Variants in NRG3 observed in about 807,000 individuals in gnomAD.
NRG3 encodes pro-neuregulin-3, membrane-bound isoform.
In NRG3, 31 loss-of-function variants were observed where a neutral mutation model predicts 66.9. That is an observed-to-expected ratio of 0.46 (90% CI 0.35 to 0.63). The LOEUF is 0.63. Ranked by LOEUF, NRG3 falls within the 20% of genes least tolerant of loss-of-function variation. The pLI is 0.00. For synonymous variants in NRG3, 393 were observed against 359.4 expected (o/e 1.09, Z -1.06); for missense variants, 910 against 878.9 (o/e 1.04, Z -0.45).
intron 2 of NRG3, among the ~76,000 whole-genome samples, chr10:82,623,671 G>A (rs1464926444): frequency 6.6e-6 from 1 of 152,170 alleles, no homozygotes; most frequent in African/African-American, 2.4e-5. Context: ...AGAGGAGACA[G>A]AAATGTGCAA....
intron 1 of NRG3, among the ~76,000 whole-genome samples, chr10:82,348,483 C>A (rs1490563829): frequency 6.6e-6 from 1 of 150,816 alleles, no homozygotes; most frequent in Non-Finnish European, 1.5e-5. Flanking sequence ...TGACCTTTCT[C>A]TCTGGCTGCT....
At chr10:82,465,190 CA>C (rs1211464298) in intron 2 of NRG3, among the ~76,000 whole-genome samples, 2 of 152,184 alleles carry the variant, frequency 1.3e-5, no homozygotes, top group African/African-American at 4.8e-5. Context: ...AAGAAACAGC[CA>C]TGCTAGGATC....
intron 1 of NRG3, among the ~76,000 whole-genome samples, chr10:82,074,594 C>T (rs535319367): frequency 6.6e-6 from 1 of 152,050 alleles, no homozygotes; most frequent in South Asian, 2.1e-4. Context: ...CTTTGGGAGG[C>T]CCAGGTGGGA....
chr10:82,775,333 T>C (rs1383227964), intron 3 of NRG3, among the ~76,000 whole-genome samples: 1 of 152,110 alleles, frequency 6.6e-6, no homozygotes, highest in Non-Finnish European at 1.5e-5. Context: ...CAATAATTTT[T>C]TGTTAAATTC....
chr10:82,117,595 G>T (rs2132320273), intron 1 of NRG3, among the ~76,000 whole-genome samples: 1 of 152,060 alleles, frequency 6.6e-6, no homozygotes, highest in African/African-American at 2.4e-5. Context: ...GTTTTTTTCT[G>T]CCAGCCAAGG....
chr10:82,381,887 G>A (rs913963903), intron 2 of NRG3, among the ~76,000 whole-genome samples: 1 of 152,038 alleles, frequency 6.6e-6, no homozygotes, highest in African/African-American at 2.4e-5. Context: ...TTAACGTGTT[G>A]CTTATCACGT....
chr10:82,383,863 A>G (rs949689952), intron 2 of NRG3, among the ~76,000 whole-genome samples: 4 of 151,904 alleles, frequency 2.6e-5, no homozygotes, highest in African/African-American at 7.2e-5. Flanking sequence ...CACAGATACA[A>G]AATTCAAACT....
At chr10:82,278,615 A>C (rs952783765) in intron 1 of NRG3, among the ~76,000 whole-genome samples, 1 of 152,140 alleles carries the variant, frequency 6.6e-6, no homozygotes, top group Non-Finnish European at 1.5e-5. Flanking sequence ...TTTGTTTAAC[A>C]ATGATTTGAG....
intron 1 of NRG3, among the ~76,000 whole-genome samples, chr10:81,879,614 C>T (rs1172720972): frequency 1.3e-5 from 2 of 152,148 alleles, no homozygotes; most frequent in African/African-American, 2.4e-5. Context: ...TTATAATGAA[C>T]ATCACAAATA....
intron 1 of NRG3, among the ~76,000 whole-genome samples, chr10:81,932,313 A>G (rs1315218883): frequency 2.0e-5 from 3 of 152,104 alleles, no homozygotes; most frequent in Non-Finnish European, 4.4e-5. Flanking sequence ...AACTCACGTC[A>G]TGAAGACAGC....
chr10:82,030,191 A>G (rs986786536), intron 1 of NRG3, among the ~76,000 whole-genome samples: 6 of 152,120 alleles, frequency 3.9e-5, no homozygotes, highest in Non-Finnish European at 8.8e-5. Context: ...GAGGGCAGCC[A>G]AAAATGTCCC....
intron 3 of NRG3, among the ~76,000 whole-genome samples, chr10:82,846,136 A>G (rs116716090): frequency 0.023 from 3,474 of 152,188 alleles, 142 homozygotes; most frequent in African/African-American, 0.08. Flanking sequence ...AACTTAGAGA[A>G]CTGAAAATCA....
rs116957610 is a variant in NRG3 at position 82,026,994 on chromosome 10, A to G, written c.823+150831A>G. 1.3e-3 allele frequency among the ~76,000 whole-genome samples: 202 copies of G among 152,138 alleles called. 2 individuals carry two copies. The East Asian group carries it at 0.037, about 28-fold the overall frequency. ...AATTATCAATCACCTGTTTAATGCT[A>G]TTATTTCTGTTAATTCATGGGGGCA... On this transcript the variant is annotated intron_variant, in intron 1 of 8. Transcript: ENST00000372141.
intron 1 of NRG3, chr10:82,232,881 G>A (rs1432903606): frequency 7.0e-6 from 5 of 715,944 alleles, no homozygotes; most frequent in South Asian, 1.5e-5. Context: ...AGGATAGGAT[G>A]AACAGTTTAG....
At chr10:82,576,374 A>G (rs2046034508) in intron 2 of NRG3, among the ~76,000 whole-genome samples, 2 of 151,072 alleles carry the variant, frequency 1.3e-5, no homozygotes, top group Non-Finnish European at 3.0e-5. Flanking sequence ...TAAGGTCTCA[A>G]AAAAAAATAA....
chr10:81,954,319 C>G (rs961384345), intron 1 of NRG3, among the ~76,000 whole-genome samples: 1 of 152,102 alleles, frequency 6.6e-6, no homozygotes, highest in Non-Finnish European at 1.5e-5. Flanking sequence ...GCAGTCATGA[C>G]ACTTATGAAA....
chr10:82,056,921 C>T (rs2063872104), intron 1 of NRG3, among the ~76,000 whole-genome samples: 1 of 152,086 alleles, frequency 6.6e-6, no homozygotes, highest in South Asian at 2.1e-4. Flanking sequence ...TATTTTTACA[C>T]TGCAATTTCA....
At chr10:82,570,342 C>T (rs1401828371) in intron 2 of NRG3, among the ~76,000 whole-genome samples, 1 of 151,606 alleles carries the variant, frequency 6.6e-6, no homozygotes, top group African/African-American at 2.4e-5. Context: ...ACAATTTTGT[C>T]TTGCGAATAC....
At chr10:82,280,021 G>A (rs538666570) in intron 1 of NRG3, among the ~76,000 whole-genome samples, 2 of 152,264 alleles carry the variant, frequency 1.3e-5, no homozygotes, top group African/African-American at 4.8e-5. Context: ...TTTAGTGGCT[G>A]TTCTATCAGG....
Sources: gnomAD v4.1 joint callset for allele counts (sites outside exome capture counted in the v4.1 genomes callset) on GRCh38, gnomAD v4.1.1 for gene constraint, MANE v1.5 for transcripts, NCBI Gene and HGNC (gene_info 2026-07-23, HGNC 2026-07-21) for gene names.